The following ARHGAP39 variants were observed in gnomAD, a reference collection of about 807,000 sequenced individuals.
ARHGAP39 encodes Rho GTPase activating protein 39.
In ARHGAP39, 44 loss-of-function variants were observed where a neutral mutation model predicts 106.9. The observed-to-expected ratio is 0.41, with a 90% CI of 0.32 to 0.53. The LOEUF (loss-of-function observed/expected upper bound fraction) is 0.53. Among genes scored for constraint, ARHGAP39 ranks in the 20% least tolerant of loss-of-function variants. The probability of loss-of-function intolerance (pLI) is 0.21; values close to 1 mark genes in which losing one functional copy is unlikely to be tolerated. For synonymous variants in ARHGAP39, 768 were observed against 693.2 expected, an observed-to-expected ratio of 1.11 and a Z score of -1.69; for missense variants, 1,496 against 1,577.3, an observed-to-expected ratio of 0.95 and a Z score of 0.87.
intron 3 of ARHGAP39, among the ~76,000 whole-genome samples, chr8:144,557,783 C>T (rs1479222290): frequency 2.0e-5 from 3 of 152,212 alleles, no homozygotes; most frequent in African/African-American, 7.2e-5. Flanking sequence ...TCGTAGTATT[C>T]AGTGGCAAAA....
intron 1 of ARHGAP39, among the ~76,000 whole-genome samples, chr8:144,621,430 C>A (rs915906088): frequency 1.3e-5 from 2 of 152,204 alleles, no homozygotes; most frequent in African/African-American, 4.8e-5. Context: ...GGCTTCATAT[C>A]AACACGACAG....
At chr8:144,601,857 G>A (rs1384880567) in intron 2 of ARHGAP39, among the ~76,000 whole-genome samples, 2 of 145,872 alleles carry the variant, frequency 1.4e-5, no homozygotes, top group Non-Finnish European at 1.5e-5. Context: ...GTGCGTAGAG[G>A]TGTGTGTGCG....
At chr8:144,534,295 G>A in intron 7 of ARHGAP39, 93 bp from the exon 8 acceptor site, 1 of 1,446,596 alleles carries the variant, frequency 6.9e-7, no homozygotes, top group Non-Finnish European at 9.6e-7. Context: ...CGAGGGCCCT[G>A]GGGGGCTGGG....
chr8:144,557,485 A>T (rs1232519318), intron 3 of ARHGAP39, among the ~76,000 whole-genome samples: 1 of 147,094 alleles, frequency 6.8e-6, no homozygotes, highest in Non-Finnish European at 1.5e-5. Context: ...ATTCAGTGGC[A>T]AAAGGCTGAA....
chr8:144,563,141 C>A (rs1007715183), intron 3 of ARHGAP39, among the ~76,000 whole-genome samples: 1 of 152,186 alleles, frequency 6.6e-6, no homozygotes. Context: ...TCAGAAAAGG[C>A]TTACTTAGAC....
chr8:144,555,104 G>A (rs1188645228), intron 4 of ARHGAP39, among the ~76,000 whole-genome samples: 1 of 152,260 alleles, frequency 6.6e-6, no homozygotes, highest in Non-Finnish European at 1.5e-5. Flanking sequence ...AAGGCAGTAG[G>A]GTCTTGAGGG....
chr8:144,537,400 G>A (rs1336411268), intron 7 of ARHGAP39, among the ~76,000 whole-genome samples: 1 of 152,080 alleles, frequency 6.6e-6, no homozygotes, highest in Non-Finnish European at 1.5e-5. Context: ...CCCTGTGGGG[G>A]TCAGGCCCAA....
chr8:144,548,475 C>T lies in ARHGAP39; in HGVS notation c.611G>A (p.Arg204Gln), dbSNP rs757330784. Residue 204 changes from arginine (R) to glutamine (Q), a missense_variant, in exon 5 of 12, where the codon CGG (arginine) becomes CAG (glutamine). Coordinates refer to ENST00000377307, the MANE Select transcript of ARHGAP39 (RefSeq NM_025251.3). The surrounding 1 kb of genome is among the most constrained non-coding windows in gnomAD (Gnocchi z 7.4). ...GCGCTCTTTGGCGCCCGAGTTCCAC[C>T]GCAGCGAGGAGGTCCTGCGTGGGGG... ...QLLHYRTSSL[R>Q]WNSGAKERML... 11 of 1,609,704 alleles carry T rather than the reference C, an allele frequency of 6.8e-6. No homozygotes were observed. Among genetic ancestry groups the T allele is most frequent in the South Asian group, 4.4e-5 (4 of 90,966 alleles).
intron 3 of ARHGAP39, among the ~76,000 whole-genome samples, chr8:144,573,546 G>A (rs1368349343): frequency 6.6e-6 from 1 of 152,150 alleles, no homozygotes; most frequent in African/African-American, 2.4e-5. Context: ...CATGGCACAT[G>A]TATACCTATG....
intron 2 of ARHGAP39, among the ~76,000 whole-genome samples, chr8:144,599,326 C>T (rs531466729): frequency 8.5e-5 from 13 of 152,090 alleles, no homozygotes; most frequent in Admixed American, 2.6e-4. Context: ...TGAAAAAGGA[C>T]GACAATCTCG....
chr8:144,698,904 T>C, the ARHGAP39 span: 2 of 454,856 alleles, frequency 4.4e-6, no homozygotes, highest in Non-Finnish European at 4.4e-6. Context: ...GGTTGGGGGG[T>C]CCAAGATGTG....
intron 1 of ARHGAP39, among the ~76,000 whole-genome samples, chr8:144,682,028 G>A (rs1318660208): frequency 6.6e-6 from 1 of 152,142 alleles, no homozygotes; most frequent in East Asian, 1.9e-4. Flanking sequence ...AAGCACTTTG[G>A]GAGGCCGAGG....
intron 2 of ARHGAP39, among the ~76,000 whole-genome samples, chr8:144,581,744 G>T (rs1343963424): frequency 6.6e-6 from 1 of 152,234 alleles, no homozygotes; most frequent in African/African-American, 2.4e-5. Flanking sequence ...GGACTCCCAA[G>T]CTGTGTTCTC....
intron 1 of ARHGAP39, among the ~76,000 whole-genome samples, chr8:144,660,897 T>C (rs1262388433): frequency 6.6e-6 from 1 of 152,054 alleles, no homozygotes; most frequent in Non-Finnish European, 1.5e-5. Flanking sequence ...GGCAGGAGAA[T>C]TGCTTGAACC....
rs1454674870 is a variant in ARHGAP39 at position 144,644,474 on chromosome 8, ACT to A, written c.-81-38781_-81-38780del. 2.0e-5 allele frequency among the ~76,000 whole-genome samples: 3 copies of A among 152,174 alleles called. No individual in the cohort carries two copies. Among genetic ancestry groups the A allele is most frequent in the Admixed American group, 2.0e-4 (3 of 15,272 alleles). On this transcript the variant is annotated intron_variant, in intron 1 of 11. Transcript: ENST00000377307. This position sits in a 1 kb window ranked among gnomAD's most constrained non-coding sequence, Gnocchi z 4.8. ...CTCAACAGGAGGTGATGGCTGCACGACTCTACAAATTTACTAAAAACCATGGG... is the reference window on the plus strand; with the variant it reads ...CTCAACAGGAGGTGATGGCTGCACGACTACAAATTTACTAAAAACCATGGG...
intron 2 of ARHGAP39, among the ~76,000 whole-genome samples, chr8:144,584,991 G>C (rs111974186): frequency 1.3e-5 from 2 of 152,144 alleles, no homozygotes; most frequent in Non-Finnish European, 2.9e-5. Context: ...TCACCTCTTT[G>C]TTGGCTCTGC....
intron 3 of ARHGAP39, among the ~76,000 whole-genome samples, chr8:144,561,244 TCCAGTGGTGTCCATCAGACC>T (rs1328488967): frequency 9.9e-5 from 15 of 151,226 alleles, no homozygotes; most frequent in Non-Finnish European, 1.5e-4. Context: ...TCCATCACAC[TCCAGTGGTGTCCATCAGACC>T]CCAGTGGTTT....
At chr8:144,593,345 G>C (rs1272671431) in intron 2 of ARHGAP39, among the ~76,000 whole-genome samples, 1 of 152,182 alleles carries the variant, frequency 6.6e-6, no homozygotes, top group Non-Finnish European at 1.5e-5. Flanking sequence ...GGAAAGGAGA[G>C]TCTCTTCAAC....
At chr8:144,697,242 G>A in the ARHGAP39 span, among the ~76,000 whole-genome samples, 1 of 150,552 alleles carries the variant, frequency 6.6e-6, no homozygotes, top group Non-Finnish European at 1.5e-5. Flanking sequence ...CAGGAGGATC[G>A]CTTAAACCCA....
Sources: allele counts gnomAD v4.1 joint callset (sites outside exome capture counted in the v4.1 genomes callset), GRCh38; gene constraint gnomAD v4.1.1; non-coding constraint Gnocchi (gnomAD v3.1); transcripts MANE v1.5; gene names NCBI Gene and HGNC (gene_info 2026-07-23, HGNC 2026-07-21).